The following RBFOX1 variants were observed in gnomAD, a reference collection of about 807,000 sequenced individuals.
RBFOX1 encodes the protein RNA binding fox-1 homolog 1.
A neutral mutation model predicts 57.7 loss-of-function variants in RBFOX1; 8 were observed. The observed-to-expected ratio is 0.14, with a 90% CI of 0.08 to 0.25. The LOEUF is 0.25. RBFOX1 is among the 10% of genes least tolerant of loss of function. The probability of loss-of-function intolerance (pLI) is 1.00; values close to 1 mark genes in which losing one functional copy is unlikely to be tolerated. For synonymous variants in RBFOX1, 326 were observed against 222.4 expected, an observed-to-expected ratio of 1.47 and a Z score of -4.15; for missense variants, 611 against 548.5, an observed-to-expected ratio of 1.11 and a Z score of -1.14.
At position 6,953,729 on chromosome 16, in the gene RBFOX1, C is replaced by T. The variant is rs1005692838; in HGVS notation, c.-15-98328C>T. 2.0e-5 allele frequency among the ~76,000 whole-genome samples: 3 copies of T among 152,126 alleles called. No individual in the cohort carries two copies. In the East Asian group the frequency reaches 5.8e-4, roughly 29 times the overall value. ...TTACACATACATACATATAAATATACATATTTTATATACATAATGGGTGTT... is the reference window on the plus strand; with the variant it reads ...TTACACATACATACATATAAATATATATATTTTATATACATAATGGGTGTT... On this transcript the variant is annotated intron_variant, in intron 3 of 15. Transcript: ENST00000550418.
chr16:7,451,832 C>G (rs28532809), intron 4 of RBFOX1, among the ~76,000 whole-genome samples: 59,732 of 151,606 alleles, frequency 0.39, 12,136 homozygotes, highest in Non-Finnish European at 0.46. Flanking sequence ...TCCCAGTTCC[C>G]TAATCTAATT....
chr16:5,639,428 A>G (rs1013114207), intron 3 of RBFOX1, among the ~76,000 whole-genome samples: 1 of 152,202 alleles, frequency 6.6e-6, no homozygotes, highest in Non-Finnish European at 1.5e-5. Flanking sequence ...TGGGAGGTTC[A>G]ACAGAAGTCT....
intron 3 of RBFOX1, among the ~76,000 whole-genome samples, chr16:6,795,854 C>G (rs552698130): frequency 5.3e-5 from 8 of 151,680 alleles, no homozygotes; most frequent in African/African-American, 1.7e-4. Context: ...TGTATGTCAG[C>G]TTTCCACAAA....
At position 5,571,215 on chromosome 16, in the gene RBFOX1, CTTTTTTTT is replaced by C. The variant is rs34409151; in HGVS notation, c.259-27671_259-27664del. On this transcript the variant is annotated intron_variant, in intron 2 of 2. Transcript: ENST00000585867. ...TGGTAGTGAAGTGACCCATCTTTGA[CTTTTTTTT>C]TTTTTTTTTTTTTTTGAGATGGAGT... is the stretch of plus-strand genomic sequence containing the variant. Among the ~76,000 whole-genome samples, 35 of 79,814 alleles carry C rather than the reference CTTTTTTTT, an allele frequency of 4.4e-4. 1 individual carries two copies. The highest frequency in any genetic ancestry group is 1.6e-3 in the African/African-American group (32 of 19,704). 52.4% of individuals were successfully genotyped at this position (79,814 alleles called of 152,430 possible).
chr16:6,964,306 G>C (rs1043237575), intron 3 of RBFOX1, among the ~76,000 whole-genome samples: 1 of 152,180 alleles, frequency 6.6e-6, no homozygotes, highest in Non-Finnish European at 1.5e-5. Context: ...GGCATGAGCT[G>C]TTGTGCCTGG....
intron 4 of RBFOX1, among the ~76,000 whole-genome samples, chr16:7,498,448 G>GTT (rs35340425): frequency 9.3e-5 from 14 of 150,878 alleles, no homozygotes; most frequent in Admixed American, 2.0e-4. Flanking sequence ...TATGTAGTGG[G>GTT]TTTTTTTTTA....
chr16:6,863,327 A>G (rs1403363922), intron 3 of RBFOX1, among the ~76,000 whole-genome samples: 2 of 152,108 alleles, frequency 1.3e-5, no homozygotes, highest in African/African-American at 4.8e-5. Context: ...GAATGGGTAG[A>G]GACAAAACGT....
intron 3 of RBFOX1, among the ~76,000 whole-genome samples, chr16:6,655,845 C>G (rs1251751821): frequency 6.6e-6 from 1 of 152,156 alleles, no homozygotes; most frequent in East Asian, 1.9e-4. Context: ...CTGATTGTAT[C>G]ATGACTGGGG....
intron 3 of RBFOX1, among the ~76,000 whole-genome samples, chr16:6,846,930 A>G (rs1176619607): frequency 2.0e-5 from 3 of 152,078 alleles, no homozygotes; most frequent in African/African-American, 7.3e-5. Context: ...CAAAAAAAAA[A>G]AGAGGTGATG....
chr16:5,625,711 C>G (rs1046224227), intron 3 of RBFOX1, among the ~76,000 whole-genome samples: 1 of 151,560 alleles, frequency 6.6e-6, no homozygotes, highest in African/African-American at 2.4e-5. Context: ...GTGCCCACCA[C>G]CATGCTCAGC....
chr16:6,410,969 C>G (rs2093441203), intron 2 of RBFOX1, among the ~76,000 whole-genome samples: 1 of 152,124 alleles, frequency 6.6e-6, no homozygotes, highest in Admixed American at 6.5e-5. Flanking sequence ...CCTGAACATC[C>G]CCACAATAAC....
intron 2 of RBFOX1, among the ~76,000 whole-genome samples, chr16:5,506,461 A>G (rs2043382549): frequency 6.6e-6 from 1 of 152,180 alleles, no homozygotes; most frequent in African/African-American, 2.4e-5. Flanking sequence ...CAGACCAGAG[A>G]AAAACAAACA....
intron 2 of RBFOX1, among the ~76,000 whole-genome samples, chr16:6,589,157 G>C (rs946780318): frequency 5.3e-5 from 8 of 152,148 alleles, no homozygotes; most frequent in African/African-American, 1.9e-4. Context: ...ATGGCACCCA[G>C]CTAGAATACC....
At chr16:6,736,080 T>C (rs28538011) in intron 3 of RBFOX1, among the ~76,000 whole-genome samples, 152,196 of 152,196 alleles carry the variant, frequency 1, 76,098 homozygotes, top group Non-Finnish European at 1. Context: ...TATTACACAA[T>C]TTTTGTTCAA....
chr16:7,080,074 TATAC>T (rs1285029112), intron 4 of RBFOX1, among the ~76,000 whole-genome samples: 9 of 140,226 alleles, frequency 6.4e-5, no homozygotes, highest in African/African-American at 2.5e-4. Context: ...TATATACATA[TATAC>T]ATATGTATAT....
chr16:7,123,865 C>A (rs548658243), intron 4 of RBFOX1, among the ~76,000 whole-genome samples: 7 of 151,998 alleles, frequency 4.6e-5, no homozygotes, highest in Non-Finnish European at 7.4e-5. Context: ...GTCATTTGAT[C>A]CAGTTTCTGT....
intron 3 of RBFOX1, among the ~76,000 whole-genome samples, chr16:6,866,995 G>C (rs1567629875): frequency 7.0e-6 from 1 of 142,142 alleles, no homozygotes. Flanking sequence ...CCTCTAGTCA[G>C]AGTCTGTGTT....
intron 4 of RBFOX1, among the ~76,000 whole-genome samples, chr16:7,513,633 C>A (rs554726552): frequency 1.3e-5 from 2 of 152,170 alleles, no homozygotes; most frequent in Non-Finnish European, 2.9e-5. Context: ...TGTGACAAAA[C>A]TGTCTCCAGT....
At chr16:5,419,238 C>A (rs1297145466) in intron 1 of RBFOX1, among the ~76,000 whole-genome samples, 2 of 152,078 alleles carry the variant, frequency 1.3e-5, no homozygotes, top group Non-Finnish European at 2.9e-5. Flanking sequence ...CACACGATCA[C>A]AAGTTGAAGT....
Sources: gnomAD v4.1 joint callset for allele counts (sites outside exome capture counted in the v4.1 genomes callset) on GRCh38, gnomAD v4.1.1 for gene constraint, MANE v1.5 for transcripts, NCBI Gene and HGNC (gene_info 2026-07-23, HGNC 2026-07-21) for gene names.